Variants in MFSD12 observed in about 807,000 individuals in gnomAD.
MFSD12 encodes major facilitator superfamily domain containing 12, also known as major facilitator superfamily domain-containing protein 12.
MFSD12 carries 67 observed loss-of-function variants against 51.2 expected under a neutral mutation model. That is an observed-to-expected ratio of 1.31 (90% CI 1.08 to 1.60). The LOEUF is 1.60. Among genes scored for constraint, MFSD12 ranks in the 40% most tolerant of loss-of-function variants. The pLI is 0.00. For missense variants in MFSD12, 921 were observed against 673.0 expected (o/e 1.37, Z -4.08); for synonymous variants, 441 against 316.7 (o/e 1.39, Z -4.17).
intron 2 of MFSD12, among the ~76,000 whole-genome samples, chr19:3,549,220 C>T (rs946027199): frequency 5.3e-5 from 8 of 152,186 alleles, no homozygotes; most frequent in African/African-American, 9.7e-5. Context: ...GCCGGGCACC[C>T]GCTGTACCCA....
downstream of MFSD12, chr19:3,543,282 G>A: frequency 1.3e-6 from 2 of 1,548,162 alleles, no homozygotes; most frequent in East Asian, 4.9e-5. Flanking sequence ...CCAGCCATCA[G>A]GCAGGCCACA....
chr19:3,553,992 G>A (rs1228592366), intron 1 of MFSD12, among the ~76,000 whole-genome samples: 1 of 151,936 alleles, frequency 6.6e-6, no homozygotes, highest in Non-Finnish European at 1.5e-5. Flanking sequence ...TGAGGCAGGA[G>A]AATCACTTAA....
chr19:3,543,347 G>A (rs2030596529), downstream of MFSD12: 3 of 1,549,420 alleles, frequency 1.9e-6, no homozygotes, highest in South Asian at 1.2e-5. Flanking sequence ...GTGGTACACA[G>A]GCCTGACCAA....
chr19:3,540,529 T>G (rs997249202), downstream of MFSD12, among the ~76,000 whole-genome samples: 1 of 151,550 alleles, frequency 6.6e-6, no homozygotes, highest in South Asian at 2.1e-4. Flanking sequence ...GTGCTGGGAT[T>G]ACAGGCGTGA....
intron 6 of MFSD12, among the ~76,000 whole-genome samples, 183 bp from the exon 7 acceptor site, chr19:3,546,608 GCT>G (rs1486374543): frequency 6.6e-6 from 1 of 152,258 alleles, no homozygotes; most frequent in Non-Finnish European, 1.5e-5. Context: ...CCAGAGCTGT[GCT>G]CTCTGTCCAC....
At chr19:3,557,078 C>T in intron 1 of MFSD12, 28 bp downstream of exon 1, 1 of 1,430,320 alleles carries the variant, frequency 7.0e-7, no homozygotes, top group Non-Finnish European at 9.1e-7. Context: ...AGGGGCTGCC[C>T]GACAGGTGGC....
At chr19:3,552,269 G>A (rs1267877304) in intron 1 of MFSD12, among the ~76,000 whole-genome samples, 5 of 151,388 alleles carry the variant, frequency 3.3e-5, no homozygotes, top group African/African-American at 1.2e-4. Context: ...CTGGATTCAA[G>A]CCATTCTCCT....
chr19:3,557,106 C>G lies in MFSD12; in HGVS notation c.298G>C (p.Gly100Arg). Residue 100 changes from glycine (G) to arginine (R), a missense_variant and splice_region_variant, in exon 1 of 10, where the codon GGC (glycine) becomes CGC (arginine). Physicochemically the swap from Gly to Arg is moderately radical, Grantham distance 125 (BLOSUM62 -2). Coordinates refer to ENST00000355415, the MANE Select transcript of MFSD12 (RefSeq NM_174983.5). ...CAGGTGGCGGGGCCGGGACGCTTAC[C>G]GACCAGGTGCCAGGCCTTGCGCGGG... ...YGPRKAWHLV[G>R]TVCVLLSFPF... 2.0e-6 allele frequency: 3 copies of G among 1,469,746 alleles called. No individual in the cohort carries two copies. The highest frequency in any genetic ancestry group is 2.7e-6 in the Non-Finnish European group (3 of 1,116,012). 91.0% of individuals were successfully genotyped at this position (1,469,746 alleles called of 1,614,324 possible). A position where few individuals can be genotyped will look rare whatever the true frequency, so the allele number is the denominator to read the frequency against.
At position 3,550,993 on chromosome 19, in the gene MFSD12, G is replaced by A. The variant is rs372325734; in HGVS notation, c.500C>T (p.Thr167Met). The change falls in exon 2 of 10, where the codon ACG becomes ATG. Residue 167 changes from threonine to methionine, a missense_variant. Coordinates refer to ENST00000355415, the MANE Select transcript of MFSD12 (RefSeq NM_174983.5). ...VTNDHEKVELTALRYAFTVVA... is the reference protein window; with the variant it reads ...VTNDHEKVELMALRYAFTVVA... ...GTGCCCAGGCTCCCACCTGAGTGCC[G>A]TGAGCTCCACCTTCTCATGGTCGTT... 20 of 1,611,290 alleles carry A rather than the reference G, an allele frequency of 1.2e-5. No individual in the cohort carries two copies. Among genetic ancestry groups the A allele is most frequent in the African/African-American group, 2.7e-5 (2 of 74,888 alleles).
chr19:3,544,666 C>G lies in MFSD12; in HGVS notation c.*44G>C. The G allele has an allele frequency of 1.3e-6, 2 of 1,558,074 alleles. No homozygotes were observed. Among genetic ancestry groups the G allele is most frequent in the Non-Finnish European group, 1.7e-6 (2 of 1,147,716 alleles). Reference sequence around the variant, plus strand: ...CAAGGCCCTGGGGGGCATCCTCGTGCGTCCCCACAGTTCCCTTGCACAGGT... The same window carrying G: ...CAAGGCCCTGGGGGGCATCCTCGTGGGTCCCCACAGTTCCCTTGCACAGGT... On this transcript the variant is annotated 3_prime_UTR_variant, in exon 10 of 10. Transcript: ENST00000355415.
intron 6 of MFSD12, 114 bp downstream of exon 6, chr19:3,547,158 G>T: frequency 1.1e-6 from 1 of 924,240 alleles, no homozygotes; most frequent in Non-Finnish European, 1.8e-6. Flanking sequence ...GCTTCTACAA[G>T]GCGGGAACTC....
chr19:3,546,223 C>CT (rs1255599719), intron 7 of MFSD12, 32 bp downstream of exon 7: 3 of 1,606,666 alleles, frequency 1.9e-6, no homozygotes, highest in Admixed American at 3.4e-5. Context: ...AGGACCCGGC[C>CT]TCCCCCACCC....
At chr19:3,545,943 T>C (rs2030981894) in intron 8 of MFSD12, 131 bp downstream of exon 8, 1 of 874,966 alleles carries the variant, frequency 1.1e-6, no homozygotes, top group African/African-American at 1.7e-5. Flanking sequence ...CCCCTGCCTA[T>C]GACTCCCATT....
chr19:3,550,770 T>C (rs570904882), intron 2 of MFSD12, among the ~76,000 whole-genome samples: 3 of 151,978 alleles, frequency 2.0e-5, no homozygotes, highest in East Asian at 3.9e-4. Flanking sequence ...AGAGTATCAC[T>C]TGAGCCCAGG....
chr19:3,545,232 CCCCAGCAGCTGTCCT>C (rs1366741378), intron 8 of MFSD12, among the ~76,000 whole-genome samples: 1 of 152,344 alleles, frequency 6.6e-6, no homozygotes, highest in Non-Finnish European at 1.5e-5. Context: ...GCAACTTCTC[CCCCAGCAGCTGTCCT>C]CCCGGCAGCA....
At chr19:3,547,387 G>T in intron 5 of MFSD12, 23 bp from the exon 6 acceptor site, 1 of 1,612,826 alleles carries the variant, frequency 6.2e-7, no homozygotes, top group Non-Finnish European at 8.5e-7. Context: ...AGCCAGGCAT[G>T]CCGTGTCAGT....
In MFSD12 at chr19:3,557,554, C is replaced by A. The variant is rs1213614309; in HGVS notation, c.-151G>T. ...TCTCTTACGGCCGCGCCCTCACCCA[C>A]GTCCGCCGCGTCCGCCCCACGCTCG... On this transcript the variant is annotated 5_prime_UTR_variant, in exon 1 of 10. Coordinates refer to ENST00000355415, the MANE Select transcript of MFSD12 (RefSeq NM_174983.5). The A allele has an allele frequency of 3.3e-6, 1 of 302,282 alleles. No homozygotes were observed. The highest frequency in any genetic ancestry group is 5.4e-6 in the Non-Finnish European group (1 of 184,456). The allele number at this position is 302,282 out of a possible 1,614,324, so 18.7% of individuals were successfully genotyped here. A position where few individuals can be genotyped will look rare whatever the true frequency, so the allele number is the denominator to read the frequency against.
intron 2 of MFSD12, 146 bp downstream of exon 2, chr19:3,550,838 G>T: frequency 1.5e-6 from 1 of 686,742 alleles, no homozygotes; most frequent in Non-Finnish European, 2.4e-6. Context: ...GGGCAACAGA[G>T]TGAGACCCCC....
Position 3,544,315 on chromosome 19 carries a change from C to A in MFSD12, c.*395G>T. 7.8e-7 allele frequency: 1 copy of A among 1,276,140 alleles called. No homozygotes were observed. Among genetic ancestry groups the A allele is most frequent in the Non-Finnish European group, 9.9e-7 (1 of 1,011,218 alleles). 79.1% of individuals were successfully genotyped at this position (1,276,140 alleles called of 1,614,324 possible). On this transcript the variant is annotated 3_prime_UTR_variant, in exon 10 of 10. Transcript: ENST00000355415. ...CCACCCCGTGGCTGTCTCCTCCAGG[C>A]TCCAGCCGTCCTGAGGGGGCCCTGG...
Sources: gnomAD v4.1 joint callset for allele counts (sites outside exome capture counted in the v4.1 genomes callset) on GRCh38, gnomAD v4.1.1 for gene constraint, MANE v1.5 for transcripts, NCBI Gene and HGNC (gene_info 2026-07-23, HGNC 2026-07-21) for gene names.